Variants in SLC7A11 observed in about 807,000 individuals in gnomAD.
SLC7A11 encodes the protein solute carrier family 7 member 11.
Under a neutral mutation model 54.5 loss-of-function variants are expected in SLC7A11, and 35 were observed. That is an observed-to-expected ratio of 0.64 (90% CI 0.49 to 0.85). The LOEUF is 0.85. SLC7A11 is among the 40% of genes least tolerant of loss of function. SLC7A11 has a pLI of 0.00. For synonymous variants in SLC7A11, 230 were observed against 225.2 expected (o/e 1.02, Z -0.19); for missense variants, 583 against 618.1 (o/e 0.94, Z 0.60).
intron 5 of SLC7A11, among the ~76,000 whole-genome samples, chr4:138,218,967 C>T (rs1159227107): frequency 6.6e-6 from 1 of 152,124 alleles, no homozygotes; most frequent in Non-Finnish European, 1.5e-5. Context: ...TATGTCCTTA[C>T]TGGTACATAC....
chr4:138,233,984 A>G (rs543118037), intron 2 of SLC7A11, among the ~76,000 whole-genome samples: 15 of 152,326 alleles, frequency 9.8e-5, no homozygotes, highest in African/African-American at 3.4e-4. Context: ...TGACTGGGCC[A>G]GATCTCTTGG....
Position 138,166,040 on chromosome 4 carries a change from G to A in SLC7A11, c.*5916C>T, listed in dbSNP as rs1242466833. Reference sequence around the variant, plus strand: ...ATAGATCGTTTCTAGTCGAGTATGAGCATACATTCATGGGAACAATCTGTT... The same window carrying A: ...ATAGATCGTTTCTAGTCGAGTATGAACATACATTCATGGGAACAATCTGTT... On this transcript the variant is annotated 3_prime_UTR_variant, in exon 12 of 12. Transcript: ENST00000280612. 6.6e-6 allele frequency: 1 copy of A among 152,102 alleles called. No individual in the cohort carries two copies. The highest frequency in any genetic ancestry group is 1.9e-4 in the East Asian group (1 of 5,190). 9.4% of individuals were successfully genotyped at this position (152,102 alleles called of 1,614,324 possible).
intron 6 of SLC7A11, among the ~76,000 whole-genome samples, chr4:138,209,216 A>G (rs995873401): frequency 1.3e-5 from 2 of 152,030 alleles, no homozygotes; most frequent in African/African-American, 2.4e-5. Context: ...TTTATTGTCT[A>G]GGTGGAGGAA....
chr4:138,231,425 A>G (rs1348424204), intron 3 of SLC7A11, among the ~76,000 whole-genome samples: 2 of 152,184 alleles, frequency 1.3e-5, no homozygotes, highest in African/African-American at 2.4e-5. Context: ...GAAACACCTT[A>G]GCCATACAAA....
chr4:138,196,767 C>T (rs1737144343), intron 6 of SLC7A11, among the ~76,000 whole-genome samples: 2 of 152,154 alleles, frequency 1.3e-5, no homozygotes, highest in Non-Finnish European at 2.9e-5. Flanking sequence ...TCAGGCAATT[C>T]TTCTGCTTCA....
In SLC7A11 at chr4:138,164,780, T is replaced by A. The variant is rs1006254587; in HGVS notation, c.*7176A>T. 2.0e-5 allele frequency: 3 copies of A among 152,122 alleles called. No individual in the cohort carries two copies. Among genetic ancestry groups the A allele is most frequent in the African/African-American group, 4.8e-5 (2 of 41,442 alleles). 9.4% of individuals were successfully genotyped at this position (152,122 alleles called of 1,614,324 possible). On this transcript the variant is annotated 3_prime_UTR_variant, in exon 12 of 12. Coordinates refer to ENST00000280612, the MANE Select transcript of SLC7A11 (RefSeq NM_014331.4). ...AGGATCACTCTTTTTCAGCTGGATC[T>A]CTCTGTTCTTGTGTTTTCAATCACT...
At chr4:138,201,067 G>A (rs1463186176) in intron 6 of SLC7A11, among the ~76,000 whole-genome samples, 1 of 152,082 alleles carries the variant, frequency 6.6e-6, no homozygotes, top group Admixed American at 6.6e-5. Flanking sequence ...GAAAAGCATT[G>A]TGCAAGGGGC....
intron 6 of SLC7A11, among the ~76,000 whole-genome samples, chr4:138,201,255 G>A (rs990940435): frequency 6.6e-6 from 1 of 152,018 alleles, no homozygotes; most frequent in Admixed American, 6.6e-5. Flanking sequence ...GTATTGTACA[G>A]CTTGATATAT....
intron 6 of SLC7A11, among the ~76,000 whole-genome samples, chr4:138,197,721 T>C (rs11726938): frequency 0.47 from 70,532 of 151,618 alleles, 17,331 homozygotes; most frequent in Middle Eastern, 0.61. Flanking sequence ...TTATACTCAA[T>C]GTTGACTTAT....
chr4:138,230,321 G>A (rs1738043672), intron 3 of SLC7A11, among the ~76,000 whole-genome samples: 1 of 151,572 alleles, frequency 6.6e-6, no homozygotes, highest in South Asian at 2.1e-4. Flanking sequence ...TTTAGTACCT[G>A]GGTGATGAGA....
intron 6 of SLC7A11, among the ~76,000 whole-genome samples, chr4:138,208,772 TTA>T (rs1449176939): frequency 7.2e-6 from 1 of 139,182 alleles, no homozygotes; most frequent in Admixed American, 7.6e-5. Flanking sequence ...AGCCATAATG[TTA>T]TAGATAATTG....
chr4:138,177,127 ACT>A (rs1426912641), intron 11 of SLC7A11: 3 of 151,986 alleles, frequency 2.0e-5, no homozygotes, highest in South Asian at 2.1e-4. Context: ...TATTAATAAA[ACT>A]CTGCTTTAAA....
intron 6 of SLC7A11, among the ~76,000 whole-genome samples, chr4:138,192,461 G>A (rs1737033716): frequency 6.6e-6 from 1 of 152,052 alleles, no homozygotes; most frequent in African/African-American, 2.4e-5. Flanking sequence ...ATAATGGAGT[G>A]TTATATAATT....
intron 10 of SLC7A11, 27 bp from the exon 11 acceptor site, chr4:138,179,421 C>T: frequency 6.2e-7 from 1 of 1,602,096 alleles, no homozygotes; most frequent in Middle Eastern, 1.7e-4. Context: ...AAAAAAGTCA[C>T]TTCAAACATG....
At chr4:138,190,486 G>C (rs887423891) in intron 6 of SLC7A11, among the ~76,000 whole-genome samples, 1 of 151,990 alleles carries the variant, frequency 6.6e-6, no homozygotes, top group Non-Finnish European at 1.5e-5. Context: ...TAAAGACCTT[G>C]AAAGCTTTTC....
intron 2 of SLC7A11, among the ~76,000 whole-genome samples, chr4:138,234,206 G>C (rs1468293653): frequency 6.6e-6 from 1 of 152,088 alleles, no homozygotes; most frequent in Non-Finnish European, 1.5e-5. Flanking sequence ...AATATATATT[G>C]AATATATAGT....
At position 138,241,934 on chromosome 4, in the gene SLC7A11, A is replaced by C. The variant is rs776964092; in HGVS notation, c.136T>G (p.Leu46Val). The C allele has an allele frequency of 1.9e-6, 3 of 1,614,048 alleles. No individual in the cohort carries two copies. Among genetic ancestry groups the C allele is most frequent in the Non-Finnish European group, 2.5e-6 (3 of 1,179,998 alleles). Reference sequence around the variant, plus strand: ...ATGATAATGGAGACTCCCCTCAGTAAAGTGACTTTCCTCTTCAGCTGCACT... The same window carrying C: ...ATGATAATGGAGACTCCCCTCAGTACAGTGACTTTCCTCTTCAGCTGCACT... ...EKVQLKRKVT[L>V]LRGVSIIIGT... The change falls in exon 1 of 12, where the codon TTA (leucine) becomes GTA (valine). Residue 46 changes from leucine (L) to valine (V), a missense_variant. Coordinates refer to ENST00000280612, the MANE Select transcript of SLC7A11 (RefSeq NM_014331.4).
Position 138,170,627 on chromosome 4 carries a change from T to TAA in SLC7A11, c.*1327_*1328dup, listed in dbSNP as rs997685146. 6.6e-6 allele frequency: 1 copy of TAA among 152,044 alleles called. No individual in the cohort carries two copies. Among genetic ancestry groups the TAA allele is most frequent in the Non-Finnish European group, 1.5e-5 (1 of 68,002 alleles). The allele number at this position is 152,044 out of a possible 1,614,324, so 9.4% of individuals were successfully genotyped here. ...ACCATGCCCGGCTCACAGTATTTTCTAATACTGGCAAAACAACATCTTCTG... is the reference window on the plus strand; with the variant it reads ...ACCATGCCCGGCTCACAGTATTTTCTAAAATACTGGCAAAACAACATCTTCTG... On this transcript the variant is annotated 3_prime_UTR_variant, in exon 12 of 12. Transcript: ENST00000280612.
chr4:138,232,553 T>C (rs1282550625), intron 2 of SLC7A11, among the ~76,000 whole-genome samples, 171 bp from the exon 3 acceptor site: 1 of 152,230 alleles, frequency 6.6e-6, no homozygotes, highest in African/African-American at 2.4e-5. Flanking sequence ...AATGAAGTAC[T>C]TCCTGTAACA....
Sources: gnomAD v4.1 joint callset for allele counts (sites outside exome capture counted in the v4.1 genomes callset) on GRCh38, gnomAD v4.1.1 for gene constraint, MANE v1.5 for transcripts, NCBI Gene and HGNC (gene_info 2026-07-23, HGNC 2026-07-21) for gene names.